TAF4B: variants seen among roughly 807,000 people sequenced by gnomAD.
TAF4B encodes transcription initiation factor TFIID subunit 4B.
A neutral mutation model predicts 86.4 loss-of-function variants in TAF4B; 38 were observed. That is an observed-to-expected ratio of 0.44 (90% CI 0.34 to 0.58). TAF4B has a LOEUF of 0.58. Among genes scored for constraint, TAF4B ranks in the 20% least tolerant of loss-of-function variants. The probability of loss-of-function intolerance (pLI) is 0.02; values close to 1 mark genes in which losing one functional copy is unlikely to be tolerated. For missense variants in TAF4B, 988 were observed against 1,027.6 expected (o/e 0.96, Z 0.53); for synonymous variants, 388 against 391.2 (o/e 0.99, Z 0.10).
At chr18:26,342,342 CTAGA>C (rs1484670783) in intron 13 of TAF4B, among the ~76,000 whole-genome samples, 1 of 152,126 alleles carries the variant, frequency 6.6e-6, no homozygotes, top group Non-Finnish European at 1.5e-5. Flanking sequence ...TCATAACTAT[CTAGA>C]TAAATTTGGT....
chr18:26,360,670 C>G (rs1329597126), intron 14 of TAF4B, among the ~76,000 whole-genome samples: 1 of 152,196 alleles, frequency 6.6e-6, no homozygotes, highest in Non-Finnish European at 1.5e-5. Flanking sequence ...TCAGTCCTCT[C>G]TCATTCTCCC....
At chr18:26,269,157 T>C (rs2056281450) in intron 3 of TAF4B, among the ~76,000 whole-genome samples, 2 of 152,156 alleles carry the variant, frequency 1.3e-5, no homozygotes, top group Admixed American at 6.6e-5. Context: ...TTACAGGAAC[T>C]CTTGCTTTGT....
intron 11 of TAF4B, among the ~76,000 whole-genome samples, chr18:26,322,864 G>A (rs1413961168): frequency 6.6e-6 from 1 of 151,724 alleles, no homozygotes; most frequent in Non-Finnish European, 1.5e-5. Flanking sequence ...TATAATGTAG[G>A]CGTTTACTAC....
At chr18:26,256,264 T>C (rs901415365) in intron 1 of TAF4B, 2 of 1,512,240 alleles carry the variant, frequency 1.3e-6, no homozygotes, top group African/African-American at 2.7e-5. Flanking sequence ...TCATAGCGTT[T>C]ACTGTCAGTG....
At chr18:26,335,813 CAAAT>C (rs1190175354) in intron 13 of TAF4B, among the ~76,000 whole-genome samples, 1 of 152,156 alleles carries the variant, frequency 6.6e-6, no homozygotes. Context: ...TAGAAATCAA[CAAAT>C]AAGTTCATTT....
chr18:26,356,043 A>G (rs2057286234), intron 13 of TAF4B, among the ~76,000 whole-genome samples: 1 of 152,206 alleles, frequency 6.6e-6, no homozygotes, highest in Admixed American at 6.5e-5. Flanking sequence ...TTGGGCTGCT[A>G]TAATGAAATA....
chr18:26,363,451 A>AG (rs1430133477), intron 14 of TAF4B, among the ~76,000 whole-genome samples: 1 of 142,986 alleles, frequency 7.0e-6, no homozygotes, highest in Non-Finnish European at 1.5e-5. Flanking sequence ...AGGGCTTAGG[A>AG]GGGAGGATAG....
chr18:26,332,544 G>T (rs1351241246), intron 12 of TAF4B, among the ~76,000 whole-genome samples: 2 of 151,998 alleles, frequency 1.3e-5, no homozygotes, highest in Non-Finnish European at 2.9e-5. Flanking sequence ...TGTTGTTATT[G>T]TTTTTGAGAC....
At chr18:26,354,695 A>G (rs1443356408) in intron 13 of TAF4B, among the ~76,000 whole-genome samples, 2 of 152,226 alleles carry the variant, frequency 1.3e-5, no homozygotes, top group Non-Finnish European at 2.9e-5. Context: ...AACCTGGCCA[A>G]AAATCAATTG....
chr18:26,256,179 A>G, intron 1 of TAF4B: 2 of 1,610,240 alleles, frequency 1.2e-6, no homozygotes, highest in Non-Finnish European at 1.7e-6. Context: ...CCATCTTTTC[A>G]CAAGCAGGAC....
chr18:26,292,004 T>A (rs1018629953), intron 7 of TAF4B, among the ~76,000 whole-genome samples: 1 of 152,182 alleles, frequency 6.6e-6, no homozygotes, highest in Non-Finnish European at 1.5e-5. Flanking sequence ...ATAGGGAGAT[T>A]TAAATTGAGT....
intron 14 of TAF4B, among the ~76,000 whole-genome samples, chr18:26,380,697 G>A (rs1009540019): frequency 2.0e-4 from 30 of 151,892 alleles, no homozygotes; most frequent in Non-Finnish European, 4.0e-4. Context: ...CTCACCCTTA[G>A]TATTTACATA....
intron 9 of TAF4B, among the ~76,000 whole-genome samples, chr18:26,294,239 A>T (rs2056633355): frequency 6.6e-6 from 1 of 152,146 alleles, no homozygotes; most frequent in African/African-American, 2.4e-5. Flanking sequence ...TCTGTCATTG[A>T]TGATGAGCGT....
At chr18:26,338,845 G>T (rs2057114071) in intron 13 of TAF4B, among the ~76,000 whole-genome samples, 1 of 152,222 alleles carries the variant, frequency 6.6e-6, no homozygotes, top group Admixed American at 6.5e-5. Flanking sequence ...CATTCCACAT[G>T]TAAGGACAAA....
chr18:26,296,581 G>T (rs1326397495), intron 9 of TAF4B, among the ~76,000 whole-genome samples: 2 of 152,084 alleles, frequency 1.3e-5, no homozygotes, highest in East Asian at 3.8e-4. Context: ...TATTCTGGAA[G>T]ACAGTAATCC....
intron 13 of TAF4B, among the ~76,000 whole-genome samples, chr18:26,354,265 G>T (rs1393747441): frequency 6.6e-6 from 1 of 152,250 alleles, no homozygotes; most frequent in East Asian, 1.9e-4. Flanking sequence ...GTAGAGACGG[G>T]GTTTCACCCT....
At chr18:26,240,806 G>A (rs74696093) in intron 1 of TAF4B, among the ~76,000 whole-genome samples, 11,514 of 152,192 alleles carry the variant, frequency 0.076, 535 homozygotes, top group Non-Finnish European at 0.1. Context: ...GGCTGTTGAA[G>A]TTTGTCAAAG....
At chr18:26,372,299 T>C (rs2057410888) in intron 14 of TAF4B, among the ~76,000 whole-genome samples, 1 of 152,226 alleles carries the variant, frequency 6.6e-6, no homozygotes, top group Non-Finnish European at 1.5e-5. Flanking sequence ...TCTTATTACA[T>C]TCCCATTCAC....
At chr18:26,346,907 G>GTATATATATATATATATATATATATA (rs61248095) in intron 13 of TAF4B, among the ~76,000 whole-genome samples, 1 of 11,218 alleles carries the variant, frequency 8.9e-5, no homozygotes, top group Non-Finnish European at 2.6e-4. Context: ...ATATGTGTGT[G>GTATATATATATATATATATATATATA]TATATATATA....
Sources: allele counts gnomAD v4.1 joint callset (sites outside exome capture counted in the v4.1 genomes callset), GRCh38; gene constraint gnomAD v4.1.1; transcripts MANE v1.5; gene names NCBI Gene and HGNC (gene_info 2026-07-23, HGNC 2026-07-21).